Variants in HPSE2 observed in about 807,000 individuals in gnomAD.
The protein encoded by HPSE2 is heparanase 2 (inactive).
Under a neutral mutation model 60.5 loss-of-function variants are expected in HPSE2, and 38 were observed. The ratio of observed to expected loss-of-function variants is 0.63; its 90% CI spans 0.48 to 0.82. The LOEUF is 0.82. Among genes scored for constraint, HPSE2 ranks in the 40% least tolerant of loss-of-function variants. The pLI, the probability that HPSE2 is intolerant of heterozygous loss-of-function variation, is 0.00. For missense variants in HPSE2, 713 were observed against 740.4 expected (o/e 0.96, Z 0.43); for synonymous variants, 295 against 293.2 (o/e 1.01, Z -0.06).
chr10:98,580,836 A>ATGTGTGTGTGTGTGTGTG (rs1244040035), intron 9 of HPSE2, among the ~76,000 whole-genome samples: 3 of 119,540 alleles, frequency 2.5e-5, no homozygotes, highest in African/African-American at 1.1e-4. Flanking sequence ...ATATATATAT[A>ATGTGTGTGTGTGTGTGTG]TGTGTGTGTG....
intron 2 of HPSE2, among the ~76,000 whole-genome samples, chr10:99,165,542 T>TATTTA (rs1847043687): frequency 6.6e-6 from 1 of 150,852 alleles, no homozygotes; most frequent in Non-Finnish European, 1.5e-5. Flanking sequence ...TTTATTTATT[T>TATTTA]ATTTATTTAT....
chr10:98,725,316 G>A lies in HPSE2; in HGVS notation c.785-3488C>T, dbSNP rs1949043249. On this transcript the variant is annotated intron_variant, in intron 4 of 11. Coordinates refer to ENST00000370552, the MANE Select transcript of HPSE2 (RefSeq NM_021828.5). ...ATATAGACCAATGGAACAGAACAGA[G>A]CCCTCAGAAATAATGCTGCATATCT... Among the ~76,000 whole-genome samples, 7 of 152,192 alleles carry A rather than the reference G, an allele frequency of 4.6e-5. No individual in the cohort carries two copies. The South Asian group carries it at 1.5e-3, about 32-fold the overall frequency.
chr10:98,736,148 T>A (rs1949351793), intron 4 of HPSE2, among the ~76,000 whole-genome samples: 1 of 152,034 alleles, frequency 6.6e-6, no homozygotes, highest in Non-Finnish European at 1.5e-5. Flanking sequence ...CCCATACTGT[T>A]CTCATGGTAG....
At chr10:98,800,118 G>A (rs1036654171) in intron 3 of HPSE2, among the ~76,000 whole-genome samples, 2 of 151,852 alleles carry the variant, frequency 1.3e-5, no homozygotes, top group African/African-American at 2.4e-5. Context: ...CTGTAATCCC[G>A]GCACTTCAGG....
intron 3 of HPSE2, among the ~76,000 whole-genome samples, chr10:99,068,114 C>T (rs1018421647): frequency 6.6e-6 from 1 of 152,156 alleles, no homozygotes; most frequent in Non-Finnish European, 1.5e-5. Context: ...GCCCATATCA[C>T]TATCAGCATT....
chr10:99,293,338 C>T, the HPSE2 span, among the ~76,000 whole-genome samples: 3 of 152,136 alleles, frequency 2.0e-5, no homozygotes, highest in Admixed American at 2.0e-4. Context: ...TCAGGGAAGC[C>T]TTTATTGAGA....
chr10:99,267,052 G>T, the HPSE2 span, among the ~76,000 whole-genome samples: 2 of 152,036 alleles, frequency 1.3e-5, no homozygotes, highest in South Asian at 4.2e-4. Context: ...AAATGAAAAG[G>T]AACCAGAATA....
chr10:98,982,491 C>A (rs535080538), intron 3 of HPSE2, among the ~76,000 whole-genome samples: 3 of 152,168 alleles, frequency 2.0e-5, no homozygotes, highest in African/African-American at 4.8e-5. Context: ...CATTTGATAT[C>A]TAAAAGTAAA....
At chr10:99,087,847 A>T (rs1843377071) in intron 3 of HPSE2, among the ~76,000 whole-genome samples, 1 of 152,168 alleles carries the variant, frequency 6.6e-6, no homozygotes, top group Non-Finnish European at 1.5e-5. Flanking sequence ...GAGTACTTTT[A>T]TCTGAAGAGT....
chr10:98,738,617 A>G (rs1949417016), intron 4 of HPSE2, among the ~76,000 whole-genome samples: 1 of 152,220 alleles, frequency 6.6e-6, no homozygotes. Context: ...AAAGAACTTA[A>G]ACAAATTTAC....
At chr10:98,549,196 A>G (rs1005652685) in intron 9 of HPSE2, among the ~76,000 whole-genome samples, 1 of 152,170 alleles carries the variant, frequency 6.6e-6, no homozygotes, top group African/African-American at 2.4e-5. Flanking sequence ...ATAGAGAGAC[A>G]TTGGGCTAAA....
the HPSE2 span, among the ~76,000 whole-genome samples, chr10:99,259,864 G>A: frequency 2.0e-5 from 3 of 152,186 alleles, no homozygotes; most frequent in Non-Finnish European, 4.4e-5. Flanking sequence ...ATTGTGAACT[G>A]TGCATGTGCA....
chr10:99,166,850 GAA>G (rs759727683), intron 2 of HPSE2, among the ~76,000 whole-genome samples: 1 of 124,624 alleles, frequency 8.0e-6, no homozygotes. Flanking sequence ...CCATCTCAAA[GAA>G]AAAAAAAAAA....
At chr10:99,020,556 T>G (rs144323631) in intron 3 of HPSE2, among the ~76,000 whole-genome samples, 1 of 152,188 alleles carries the variant, frequency 6.6e-6, no homozygotes, top group Non-Finnish European at 1.5e-5. Context: ...AGCAGGACTT[T>G]CCAAGTTTTT....
intron 9 of HPSE2, among the ~76,000 whole-genome samples, chr10:98,545,458 G>A (rs1943636283): frequency 6.6e-6 from 1 of 152,172 alleles, no homozygotes; most frequent in Non-Finnish European, 1.5e-5. Flanking sequence ...TATCCACCAT[G>A]ATCAAGTGGG....
At chr10:98,642,429 T>A (rs1946663004) in intron 6 of HPSE2, among the ~76,000 whole-genome samples, 1 of 152,066 alleles carries the variant, frequency 6.6e-6, no homozygotes, top group Non-Finnish European at 1.5e-5. Context: ...AGTGAGTGAG[T>A]CTCCAGCTCA....
chr10:99,237,679 C>T (rs1433762509), upstream of HPSE2, among the ~76,000 whole-genome samples: 1 of 152,188 alleles, frequency 6.6e-6, no homozygotes, highest in Non-Finnish European at 1.5e-5. Flanking sequence ...AGCCCTAAGG[C>T]CTGTTTCCTT....
chr10:98,565,227 A>G (rs1944308224), intron 9 of HPSE2, among the ~76,000 whole-genome samples: 1 of 151,786 alleles, frequency 6.6e-6, no homozygotes, highest in Non-Finnish European at 1.5e-5. Flanking sequence ...CTACATAGGT[A>G]TACATGTGCC....
intron 9 of HPSE2, among the ~76,000 whole-genome samples, chr10:98,610,493 A>G (rs1017612452): frequency 2.0e-5 from 3 of 152,148 alleles, no homozygotes; most frequent in Admixed American, 2.0e-4. Context: ...TTGTACTCCA[A>G]TCCATGACCA....
Sources: gnomAD v4.1 joint callset for allele counts (sites outside exome capture counted in the v4.1 genomes callset) on GRCh38, gnomAD v4.1.1 for gene constraint, MANE v1.5 for transcripts, NCBI Gene and HGNC (gene_info 2026-07-23, HGNC 2026-07-21) for gene names.